Variants in NLGN1 observed in about 807,000 individuals in gnomAD.
NLGN1 encodes the protein neuroligin 1.
A neutral mutation model predicts 65.5 loss-of-function variants in NLGN1; 12 were observed. The ratio of observed to expected loss-of-function variants is 0.18; its 90% CI spans 0.12 to 0.30. NLGN1 has a LOEUF of 0.30. Among genes scored for constraint, NLGN1 ranks in the 10% least tolerant of loss-of-function variants. NLGN1 has a pLI of 1.00. For synonymous variants in NLGN1, 350 were observed against 359.5 expected (o/e 0.97, Z 0.30); for missense variants, 750 against 1,007.1 (o/e 0.74, Z 3.46).
intron 4 of NLGN1, among the ~76,000 whole-genome samples, chr3:173,891,143 A>AT (rs1384139846): frequency 1.3e-5 from 2 of 152,214 alleles, no homozygotes; most frequent in Non-Finnish European, 2.9e-5. Flanking sequence ...TTACTACAAC[A>AT]TAGAGATGTC....
At chr3:173,508,791 C>T (rs1379375321) in intron 2 of NLGN1, among the ~76,000 whole-genome samples, 1 of 152,142 alleles carries the variant, frequency 6.6e-6, no homozygotes, top group African/African-American at 2.4e-5. Context: ...TTATCGAACT[C>T]TCCTCTCCAG....
At chr3:173,937,780 G>A (rs972866076) in intron 4 of NLGN1, among the ~76,000 whole-genome samples, 1 of 152,098 alleles carries the variant, frequency 6.6e-6, no homozygotes, top group East Asian at 1.9e-4. Context: ...CGCAAAATAA[G>A]ATAGTAGAAG....
chr3:173,479,046 T>C lies in NLGN1; in HGVS notation c.-321+43968T>C, dbSNP rs115518444. 4.7e-3 allele frequency among the ~76,000 whole-genome samples: 710 copies of C among 152,272 alleles called. 11 individuals carry two copies. The highest frequency in any genetic ancestry group is 0.016 in the African/African-American group (660 of 41,552). On this transcript the variant is annotated intron_variant, in intron 2 of 6. Transcript: ENST00000457714. ...TGAGTATAGACTATTCTTTCAAAAG[T>C]CTTACTTGGAGAAGGAAATAGGTAA...
intron 4 of NLGN1, among the ~76,000 whole-genome samples, chr3:174,197,541 G>C (rs1049349637): frequency 9.6e-6 from 1 of 104,662 alleles, no homozygotes; most frequent in Admixed American, 9.5e-5. Flanking sequence ...AAAAAAAGGA[G>C]AATCCAGTTA....
intron 4 of NLGN1, among the ~76,000 whole-genome samples, chr3:173,972,919 C>T (rs1328547434): frequency 6.6e-6 from 1 of 152,068 alleles, no homozygotes; most frequent in Non-Finnish European, 1.5e-5. Context: ...TTAACAAACC[C>T]TCCTGATGAT....
At chr3:173,608,090 G>C (rs1390981710) in intron 3 of NLGN1, among the ~76,000 whole-genome samples, 1 of 151,738 alleles carries the variant, frequency 6.6e-6, no homozygotes, top group Non-Finnish European at 1.5e-5. Flanking sequence ...AGTATTTTCT[G>C]TACTTTGTTG....
At position 173,500,956 on chromosome 3, in the gene NLGN1, T is replaced by A. The variant is rs115146089; in HGVS notation, c.-321+65878T>A. On this transcript the variant is annotated intron_variant, in intron 2 of 6. Transcript: ENST00000457714. ...TATTATTTACTCTGCACTTAACACG[T>A]TGCTTGCACATGGTAGACACTAAAA... 9.0e-3 allele frequency among the ~76,000 whole-genome samples: 1,370 copies of A among 152,276 alleles called. 24 individuals are homozygous for A. The highest frequency in any genetic ancestry group is 0.032 in the African/African-American group (1,320 of 41,552).
Position 174,279,217 on chromosome 3 carries a change from A to G in NLGN1, c.1216A>G (p.Ile406Val), listed in dbSNP as rs1561463672. The change falls in exon 6 of 7, where the codon ATA (isoleucine) becomes GTA (valine). Residue 406 changes from isoleucine to valine, a missense_variant. By Grantham distance (29) the Ile-to-Val change is conservative. Transcript: ENST00000457714. This position sits in a 1 kb window ranked among gnomAD's most constrained non-coding sequence, Gnocchi z 4.7. Reference sequence around the variant, plus strand: ...AAATATAGTAGATAGCGATGATGGTATATCAGCTAGTGATTTTGACTTTGC... The same window carrying G: ...AAATATAGTAGATAGCGATGATGGTGTATCAGCTAGTGATTTTGACTTTGC... 2.5e-6 allele frequency: 4 copies of G among 1,613,402 alleles called. No individual in the cohort carries two copies. The highest frequency in any genetic ancestry group is 1.7e-5 in the Admixed American group (1 of 59,924).
At chr3:173,802,836 A>G (rs1408478867) in intron 3 of NLGN1, among the ~76,000 whole-genome samples, 1 of 151,428 alleles carries the variant, frequency 6.6e-6, no homozygotes, top group Non-Finnish European at 1.5e-5. Context: ...ATACAAAAGA[A>G]TGTATATCTT....
intron 3 of NLGN1, among the ~76,000 whole-genome samples, chr3:173,667,433 C>T (rs1379103004): frequency 6.6e-6 from 1 of 152,134 alleles, no homozygotes; most frequent in Non-Finnish European, 1.5e-5. Context: ...TTACCCAACA[C>T]ACCCCACCCA....
chr3:174,057,410 A>G (rs1736384504), intron 4 of NLGN1, among the ~76,000 whole-genome samples: 1 of 152,094 alleles, frequency 6.6e-6, no homozygotes. Flanking sequence ...TAGTAGCAGT[A>G]TGACCTTAGG....
chr3:173,593,944 A>G (rs1748995626), intron 2 of NLGN1, among the ~76,000 whole-genome samples: 1 of 152,204 alleles, frequency 6.6e-6, no homozygotes, highest in Non-Finnish European at 1.5e-5. Context: ...CCATGAGAAC[A>G]GTATGGGTGA....
At chr3:173,839,671 T>C (rs1724394481) in intron 4 of NLGN1, among the ~76,000 whole-genome samples, 1 of 152,142 alleles carries the variant, frequency 6.6e-6, no homozygotes, top group Non-Finnish European at 1.5e-5. Flanking sequence ...TCCACCTGCC[T>C]CTGCCTCCCA....
At chr3:173,798,338 A>AT (rs1044505876) in intron 3 of NLGN1, among the ~76,000 whole-genome samples, 1 of 152,136 alleles carries the variant, frequency 6.6e-6, no homozygotes, top group African/African-American at 2.4e-5. Flanking sequence ...AGAAATGTAT[A>AT]TTTTTTTGCA....
chr3:173,977,106 C>T (rs930432492), intron 4 of NLGN1, among the ~76,000 whole-genome samples: 20 of 140,080 alleles, frequency 1.4e-4, no homozygotes, highest in Non-Finnish European at 1.1e-4. Context: ...CACACACACA[C>T]GCACACACAC....
At chr3:173,883,128 A>C (rs1733653265) in intron 4 of NLGN1, among the ~76,000 whole-genome samples, 2 of 149,678 alleles carry the variant, frequency 1.3e-5, no homozygotes, top group South Asian at 4.2e-4. Flanking sequence ...GACTTTTAAC[A>C]TGTCTTTCTC....
At chr3:174,201,457 A>G (rs1016486093) in intron 4 of NLGN1, among the ~76,000 whole-genome samples, 1 of 131,166 alleles carries the variant, frequency 7.6e-6, no homozygotes, top group Non-Finnish European at 1.7e-5. Flanking sequence ...CTAATGTCCT[A>G]TTTACTTAGA....
At chr3:174,055,988 G>T (rs567660553) in intron 4 of NLGN1, among the ~76,000 whole-genome samples, 1 of 151,540 alleles carries the variant, frequency 6.6e-6, no homozygotes, top group Non-Finnish European at 1.5e-5. Context: ...TTGTGTTATC[G>T]AATAAGAGAG....
intron 4 of NLGN1, among the ~76,000 whole-genome samples, chr3:174,199,597 C>A (rs771112777): frequency 4.0e-5 from 6 of 151,814 alleles, no homozygotes; most frequent in Non-Finnish European, 8.8e-5. Context: ...TAAATGAATA[C>A]GATGATTAGA....
Sources: allele counts gnomAD v4.1 joint callset (sites outside exome capture counted in the v4.1 genomes callset), GRCh38; gene constraint gnomAD v4.1.1; non-coding constraint Gnocchi (gnomAD v3.1); transcripts MANE v1.5; gene names NCBI Gene and HGNC (gene_info 2026-07-23, HGNC 2026-07-21).